CAPS2: variants seen among roughly 807,000 people sequenced by gnomAD.
The protein encoded by CAPS2 is calcyphosine 2.
Under a neutral mutation model 86.5 loss-of-function variants are expected in CAPS2, and 98 were observed. The observed-to-expected ratio is 1.13, with a 90% CI of 0.96 to 1.34. CAPS2 has a LOEUF of 1.34. CAPS2 is among the 40% of genes most tolerant of loss of function. The probability of loss-of-function intolerance (pLI) is 0.00; values close to 1 mark genes in which losing one functional copy is unlikely to be tolerated. For synonymous variants in CAPS2, 210 were observed against 225.1 expected (o/e 0.93, Z 0.60); for missense variants, 729 against 686.8 (o/e 1.06, Z -0.69).
chr12:75,346,116 T>C (rs1469534451), intron 1 of CAPS2, among the ~76,000 whole-genome samples: 1 of 152,208 alleles, frequency 6.6e-6, no homozygotes, highest in Non-Finnish European at 1.5e-5. Flanking sequence ...TAAACCTACA[T>C]AGTGAATATT....
chr12:75,316,957 G>A (rs1000007801), intron 5 of CAPS2, among the ~76,000 whole-genome samples: 4 of 151,840 alleles, frequency 2.6e-5, no homozygotes, highest in African/African-American at 9.7e-5. Flanking sequence ...CGCTACCCCA[G>A]CAAAACAAAA....
chr12:75,378,395 A>C (rs1461872216), intron 1 of CAPS2, among the ~76,000 whole-genome samples: 1 of 152,162 alleles, frequency 6.6e-6, no homozygotes, highest in African/African-American at 2.4e-5. Context: ...CCAATAGCGG[A>C]GAGAAAGGGG....
intron 8 of CAPS2, among the ~76,000 whole-genome samples, chr12:75,301,081 T>C (rs1181856243): frequency 6.6e-6 from 1 of 152,172 alleles, no homozygotes; most frequent in Admixed American, 6.5e-5. Context: ...TAAAATTCTA[T>C]TTAACAATAT....
chr12:75,383,222 CAG>C (rs2045099320), intron 1 of CAPS2, among the ~76,000 whole-genome samples: 1 of 152,122 alleles, frequency 6.6e-6, no homozygotes. Context: ...GATTCACTGA[CAG>C]ATACGAAAGA....
At chr12:75,289,656 C>T in exon 14 of CAPS2, 1 of 1,613,160 alleles carries the variant, frequency 6.2e-7, no homozygotes. Context: ...ACTTTTAGAG[C>T]TTGCTTAAAA....
In CAPS2 at chr12:75,291,884, A is replaced by G. The variant is rs2036033578; in HGVS notation, c.1164-64T>C. ...ATTCTATTTTACAATCTTGAGTATA[A>G]AACCTCTAAGCTCTTCCCTGCTCCA... On this transcript the variant is annotated intron_variant, in intron 12 of 16. Coordinates refer to ENST00000393284, the Ensembl canonical transcript of CAPS2. 4.1e-6 allele frequency: 3 copies of G among 726,604 alleles called. No homozygotes were observed. In the South Asian group the frequency reaches 7.9e-5, roughly 19 times the overall value. The allele number at this position is 726,604 out of a possible 1,614,324, so 45.0% of individuals were successfully genotyped here. A position where few individuals can be genotyped will look rare whatever the true frequency, so the allele number is the denominator to read the frequency against.
chr12:75,376,910 T>C (rs1447597156), intron 1 of CAPS2, among the ~76,000 whole-genome samples: 2 of 152,194 alleles, frequency 1.3e-5, no homozygotes. Flanking sequence ...TATGGGCTTC[T>C]GGAGCTGGGA....
At chr12:75,384,246 A>G (rs572587119) in intron 1 of CAPS2, among the ~76,000 whole-genome samples, 1 of 152,278 alleles carries the variant, frequency 6.6e-6, no homozygotes, top group African/African-American at 2.4e-5. Context: ...CATAAATAAG[A>G]TTGATAAGCT....
intron 1 of CAPS2, among the ~76,000 whole-genome samples, chr12:75,351,508 C>A (rs1450723781): frequency 1.3e-5 from 2 of 151,780 alleles, no homozygotes; most frequent in Non-Finnish European, 2.9e-5. Context: ...TCCTAAAAAC[C>A]AGAAGAGATT....
intron 1 of CAPS2, among the ~76,000 whole-genome samples, chr12:75,356,349 A>T (rs2043156474): frequency 6.6e-6 from 1 of 152,142 alleles, no homozygotes; most frequent in Non-Finnish European, 1.5e-5. Flanking sequence ...AATATATAAG[A>T]TGTTTTCTTA....
At chr12:75,327,017 AT>A (rs1265037915), upstream of CAPS2, among the ~76,000 whole-genome samples, 1 of 152,100 alleles carries the variant, frequency 6.6e-6, no homozygotes, top group Non-Finnish European at 1.5e-5. Context: ...CAAGGAATGG[AT>A]TTTCCTATGG....
chr12:75,363,525 A>G (rs2139624073), intron 1 of CAPS2, among the ~76,000 whole-genome samples: 1 of 152,282 alleles, frequency 6.6e-6, no homozygotes, highest in Middle Eastern at 3.4e-3. Context: ...TAGAATAGTG[A>G]CCCATTCAGA....
At chr12:75,276,857 C>T (rs139361016), downstream of CAPS2, 514 of 966,068 alleles carry the variant, frequency 5.3e-4, 2 homozygotes, top group African/African-American at 8.2e-3. Flanking sequence ...AATATTTTAA[C>T]ATTTTCAAAA....
intron 16 of CAPS2, among the ~76,000 whole-genome samples, chr12:75,279,672 T>G (rs2033551187): frequency 6.6e-6 from 1 of 152,024 alleles, no homozygotes; most frequent in African/African-American, 2.4e-5. Context: ...GAAGTTTGCT[T>G]TCTTTTAAAA....
At chr12:75,363,104 G>A (rs1161016551) in intron 1 of CAPS2, 1 of 1,534,074 alleles carries the variant, frequency 6.5e-7, no homozygotes, top group Non-Finnish European at 8.8e-7. Context: ...TTTTACAGAG[G>A]AAATTTTGCA....
At chr12:75,335,598 A>G (rs1192455020) in intron 1 of CAPS2, among the ~76,000 whole-genome samples, 1 of 152,142 alleles carries the variant, frequency 6.6e-6, no homozygotes, top group East Asian at 1.9e-4. Flanking sequence ...TATCTATTCC[A>G]GCTTTCTTCT....
rs549314157 is a variant in CAPS2, at chr12:75,354,585, C to G, written c.-394-31363G>C. ...AGTAATTTACAGATTCAATGCTATT[C>G]CCATTAAACTCATTGACATTCTTCA... is the stretch of plus-strand genomic sequence containing the variant. On this transcript the variant is annotated intron_variant, in intron 1 of 5. Transcript: ENST00000551829. Among the ~76,000 whole-genome samples, 10 of 152,252 alleles carry G rather than the reference C, an allele frequency of 6.6e-5. 1 individual carries two copies. The South Asian group carries it at 1.0e-3, about 16-fold the overall frequency.
chr12:75,380,369 C>T (rs930642032), intron 1 of CAPS2, among the ~76,000 whole-genome samples: 1 of 152,124 alleles, frequency 6.6e-6, no homozygotes, highest in Admixed American at 6.5e-5. Context: ...ATCATCACTT[C>T]GAGTGGAACT....
chr12:75,280,533 C>T (rs2033744046), intron 16 of CAPS2, among the ~76,000 whole-genome samples: 1 of 151,112 alleles, frequency 6.6e-6, no homozygotes, highest in Admixed American at 6.6e-5. Flanking sequence ...TTTTAGCAAC[C>T]TAAATAATAT....
Sources: allele counts gnomAD v4.1 joint callset (sites outside exome capture counted in the v4.1 genomes callset), GRCh38; gene constraint gnomAD v4.1.1; transcripts MANE v1.5; gene names NCBI Gene and HGNC (gene_info 2026-07-23, HGNC 2026-07-21).